The following ADCY1 variants were observed in gnomAD, a reference collection of about 807,000 sequenced individuals.
The protein encoded by ADCY1 is adenylate cyclase type 1.
ADCY1 carries 28 observed loss-of-function variants against 105.4 expected under a neutral mutation model. The ratio of observed to expected loss-of-function variants is 0.27; its 90% CI spans 0.20 to 0.36. The LOEUF (loss-of-function observed/expected upper bound fraction) is 0.36. ADCY1 is among the 10% of genes least tolerant of loss of function. ADCY1 has a pLI of 1.00. For missense variants in ADCY1, 977 were observed against 1,434.2 expected (o/e 0.68, Z 5.15); for synonymous variants, 655 against 623.8 (o/e 1.05, Z -0.75).
chr7:45,604,406 C>G (rs544692594), intron 2 of ADCY1, among the ~76,000 whole-genome samples: 26 of 152,252 alleles, frequency 1.7e-4, no homozygotes, highest in African/African-American at 5.8e-4. Context: ...GGTGTCAAGT[C>G]TAAAGACTTT....
chr7:45,602,541 A>G (rs1369263005), intron 2 of ADCY1, among the ~76,000 whole-genome samples: 1 of 152,236 alleles, frequency 6.6e-6, no homozygotes, highest in Non-Finnish European at 1.5e-5. Context: ...AACAAGGTAA[A>G]TGGAACAATT....
intron 4 of ADCY1, among the ~76,000 whole-genome samples, chr7:45,637,534 C>A (rs560436498): frequency 2.3e-4 from 35 of 151,990 alleles, no homozygotes; most frequent in Non-Finnish European, 3.2e-4. Context: ...CCAGACTGGA[C>A]AACATAATGA....
intron 8 of ADCY1, among the ~76,000 whole-genome samples, chr7:45,666,797 C>G (rs1336490014): frequency 6.6e-6 from 1 of 152,150 alleles, no homozygotes; most frequent in Non-Finnish European, 1.5e-5. Flanking sequence ...CTGTTGTTTC[C>G]TGACTTTTTA....
intron 3 of ADCY1, among the ~76,000 whole-genome samples, chr7:45,617,956 A>T (rs1183875494): frequency 2.6e-5 from 4 of 152,246 alleles, no homozygotes; most frequent in African/African-American, 7.2e-5. Context: ...AGCTGGAGGC[A>T]TTACATTACC....
chr7:45,580,803 G>A (rs944751044), intron 1 of ADCY1, among the ~76,000 whole-genome samples: 7 of 152,176 alleles, frequency 4.6e-5, no homozygotes, highest in African/African-American at 1.7e-4. Flanking sequence ...AGTGTGCTGG[G>A]GGCTGTGTGA....
Position 45,622,267 on chromosome 7 carries a change from C to T in ADCY1, c.909-365C>T, listed in dbSNP as rs528425205. 7.9e-5 allele frequency among the ~76,000 whole-genome samples: 12 copies of T among 152,244 alleles called. No homozygotes were observed. The South Asian group carries it at 2.3e-3, about 29-fold the overall frequency. Reference sequence around the variant, plus strand: ...CCACATGCTGAAAAGCACATCACTTCTGCTCGGTGCCGCTGGCCACATCCC... The same window carrying T: ...CCACATGCTGAAAAGCACATCACTTTTGCTCGGTGCCGCTGGCCACATCCC... On this transcript the variant is annotated intron_variant, in intron 3 of 19. Transcript: ENST00000297323.
At chr7:45,689,306 C>T (rs1464734622) in intron 14 of ADCY1, among the ~76,000 whole-genome samples, 1 of 152,042 alleles carries the variant, frequency 6.6e-6, no homozygotes, top group Non-Finnish European at 1.5e-5. Flanking sequence ...GCTGTTCTTG[C>T]ACTGCTATAA....
upstream of ADCY1, chr7:45,574,191 A>G: frequency 6.2e-6 from 6 of 960,356 alleles, no homozygotes; most frequent in Non-Finnish European, 7.4e-6. This position sits in a 1 kb window ranked among gnomAD's most constrained non-coding sequence, Gnocchi z 7.0. Flanking sequence ...CAAGGAAGGT[A>G]CTCGAGGTCA....
intron 19 of ADCY1, among the ~76,000 whole-genome samples, chr7:45,711,533 A>G (rs1273180787): frequency 6.7e-6 from 1 of 149,198 alleles, no homozygotes; most frequent in Non-Finnish European, 1.5e-5. Flanking sequence ...TTCTAGGTGT[A>G]CGGTTGAGTG....
chr7:45,647,659 C>A lies in ADCY1; in HGVS notation c.1021-1011C>A, dbSNP rs897241753. 6.6e-6 allele frequency among the ~76,000 whole-genome samples: 1 copy of A among 152,122 alleles called. No individual in the cohort carries two copies. The highest frequency in any genetic ancestry group is 2.4e-5 in the African/African-American group (1 of 41,410). ...GTGGGTCACAGAATCCACTGTCTGC[C>A]CTGGAGATGACGGCACCACAGAGGC... On this transcript the variant is annotated intron_variant, in intron 4 of 19. Coordinates refer to ENST00000297323, the MANE Select transcript of ADCY1 (RefSeq NM_021116.4). The surrounding 1 kb of genome is among the most constrained non-coding windows in gnomAD (Gnocchi z 4.6).
At chr7:45,626,565 C>A (rs80066750) in intron 4 of ADCY1, among the ~76,000 whole-genome samples, 4,192 of 152,290 alleles carry the variant, frequency 0.028, 79 homozygotes, top group African/African-American at 0.046. Flanking sequence ...GAGAGCTCCA[C>A]GTGCCCACGA....
chr7:45,690,541 G>T lies in ADCY1; in HGVS notation c.2454+3868G>T, dbSNP rs983619369. ...TCCCGCTCCCCATTGGCCAAACCTG[G>T]CCGGAAGTAGGAGGCCCAGGACCCT... On this transcript the variant is annotated intron_variant, in intron 14 of 19. Coordinates refer to ENST00000297323, the MANE Select transcript of ADCY1 (RefSeq NM_021116.4). Among the ~76,000 whole-genome samples the T allele has an allele frequency of 3.9e-5, 6 of 152,222 alleles. No homozygotes were observed. In the East Asian group the frequency reaches 1.2e-3, roughly 29 times the overall value.
At chr7:45,692,877 C>A (rs1381166826) in intron 14 of ADCY1, among the ~76,000 whole-genome samples, 2 of 151,960 alleles carry the variant, frequency 1.3e-5, no homozygotes, top group Non-Finnish European at 2.9e-5. Flanking sequence ...CAAAGACTTA[C>A]CAAATCTGGA....
intron 3 of ADCY1, among the ~76,000 whole-genome samples, chr7:45,613,928 A>G (rs1176858570): frequency 6.6e-6 from 1 of 152,202 alleles, no homozygotes; most frequent in Non-Finnish European, 1.5e-5. Flanking sequence ...AAGTCTCCAT[A>G]AAAACATGAA....
chr7:45,637,959 C>G (rs1172726697), intron 4 of ADCY1, among the ~76,000 whole-genome samples: 1 of 152,186 alleles, frequency 6.6e-6, no homozygotes, highest in East Asian at 1.9e-4. Context: ...AGTCTACCAT[C>G]AACTGTCTTT....
chr7:45,658,465 T>C (rs1794998388), intron 6 of ADCY1, among the ~76,000 whole-genome samples: 1 of 152,206 alleles, frequency 6.6e-6, no homozygotes. Flanking sequence ...CCAGGTCCTG[T>C]AATCTCCCTT....
intron 4 of ADCY1, among the ~76,000 whole-genome samples, chr7:45,645,213 G>A (rs922459464): frequency 6.6e-6 from 1 of 152,084 alleles, no homozygotes; most frequent in Non-Finnish European, 1.5e-5. Flanking sequence ...GCAGAGATAG[G>A]TTCTCCCCAC....
intron 4 of ADCY1, among the ~76,000 whole-genome samples, chr7:45,628,759 G>A (rs80322516): frequency 0.012 from 1,759 of 152,242 alleles, 12 homozygotes; most frequent in Non-Finnish European, 0.017. Context: ...ACTGCACCAC[G>A]TGTGGCCTAA....
chr7:45,666,913 G>A (rs1359094321), intron 8 of ADCY1, among the ~76,000 whole-genome samples: 10 of 152,190 alleles, frequency 6.6e-5, no homozygotes, highest in Non-Finnish European at 1.3e-4. Context: ...TTTTTTGGCT[G>A]CATAAATGTC....
Sources: gnomAD v4.1 joint callset for allele counts (sites outside exome capture counted in the v4.1 genomes callset) on GRCh38, gnomAD v4.1.1 for gene constraint, Gnocchi (gnomAD v3.1) non-coding constraint, MANE v1.5 for transcripts, NCBI Gene and HGNC (gene_info 2026-07-23, HGNC 2026-07-21) for gene names.